Variants in KCNMA1 observed in about 807,000 individuals in gnomAD.
KCNMA1 encodes the protein potassium calcium-activated channel subfamily M alpha 1.
Under a neutral mutation model 140.0 loss-of-function variants are expected in KCNMA1, and 29 were observed. The ratio of observed to expected loss-of-function variants is 0.21; its 90% CI spans 0.15 to 0.28. The LOEUF (loss-of-function observed/expected upper bound fraction) is 0.28, where lower values mean the gene tolerates loss of function less well. Ranked by LOEUF, KCNMA1 falls within the 10% of genes least tolerant of loss-of-function variation. KCNMA1 has a pLI of 1.00. For synonymous variants in KCNMA1, 612 were observed against 611.9 expected (o/e 1.00, Z 0.00); for missense variants, 880 against 1,602.2 (o/e 0.55, Z 7.70).
intron 2 of KCNMA1, among the ~76,000 whole-genome samples, chr10:77,357,881 T>G (rs2093632121): frequency 2.0e-5 from 3 of 152,100 alleles, no homozygotes; most frequent in Non-Finnish European, 2.9e-5. Context: ...AAATGTCAGC[T>G]TAAGAAAGAC....
chr10:76,900,765 G>A (rs2044840253), intron 25 of KCNMA1, among the ~76,000 whole-genome samples: 1 of 151,880 alleles, frequency 6.6e-6, no homozygotes, highest in African/African-American at 2.4e-5. Context: ...GGCCTCCTAG[G>A]AAAAATGACA....
chr10:77,287,818 G>T (rs892709341), intron 2 of KCNMA1, among the ~76,000 whole-genome samples: 3 of 152,192 alleles, frequency 2.0e-5, no homozygotes, highest in African/African-American at 7.2e-5. Flanking sequence ...CACTCAGCAG[G>T]CAGGCAGCAA....
At chr10:76,941,145 G>T (rs2062173755) in intron 23 of KCNMA1, among the ~76,000 whole-genome samples, 1 of 66,366 alleles carries the variant, frequency 1.5e-5, no homozygotes, top group African/African-American at 5.0e-5. Flanking sequence ...GAAGGGAAGG[G>T]AAGGGAAGGG....
intron 1 of KCNMA1, among the ~76,000 whole-genome samples, chr10:77,606,582 C>T (rs895459588): frequency 3.3e-5 from 5 of 152,118 alleles, no homozygotes; most frequent in Non-Finnish European, 7.4e-5. Flanking sequence ...TGCACTCTAG[C>T]CTGGGCAACA....
chr10:77,328,051 G>T (rs1194954665), intron 2 of KCNMA1, among the ~76,000 whole-genome samples: 1 of 152,178 alleles, frequency 6.6e-6, no homozygotes, highest in South Asian at 2.1e-4. Context: ...GTGGGACTCT[G>T]CTCCACTGTT....
chr10:77,523,901 A>G (rs900202343), intron 1 of KCNMA1, among the ~76,000 whole-genome samples: 24 of 152,330 alleles, frequency 1.6e-4, no homozygotes, highest in Admixed American at 1.2e-3. Flanking sequence ...GGGTGACTAT[A>G]GTCAATAATA....
At chr10:77,402,485 C>A (rs548816170) in intron 2 of KCNMA1, among the ~76,000 whole-genome samples, 3 of 152,352 alleles carry the variant, frequency 2.0e-5, no homozygotes, top group South Asian at 4.1e-4. Context: ...GGTTTCATAA[C>A]CAGACCCTTC....
At position 76,886,926 on chromosome 10, in the gene KCNMA1, C is replaced by T. The variant is rs199906370; in HGVS notation, c.*340G>A. On this transcript the variant is annotated 3_prime_UTR_variant, in exon 28 of 28. Coordinates refer to ENST00000286628, the MANE Select transcript of KCNMA1 (RefSeq NM_001161352.2). ...CAACTTTTCTTTTACATTAAATAAACTTGCTCTGCCTAACTGACGTTGATC... is the reference window on the plus strand; with the variant it reads ...CAACTTTTCTTTTACATTAAATAAATTTGCTCTGCCTAACTGACGTTGATC... 1.7e-4 allele frequency: 200 copies of T among 1,155,064 alleles called. 1 individual carries two copies. The African/African-American group carries it at 3.1e-3, about 18-fold the overall frequency. The allele number at this position is 1,155,064 out of a possible 1,614,324, so 71.6% of individuals were successfully genotyped here. A position where few individuals can be genotyped will look rare whatever the true frequency, so the allele number is the denominator to read the frequency against.
chr10:77,598,390 G>A (rs1567782789), intron 1 of KCNMA1, among the ~76,000 whole-genome samples: 1 of 152,118 alleles, frequency 6.6e-6, no homozygotes, highest in Non-Finnish European at 1.5e-5. Context: ...GCAAATTTTT[G>A]CTGAATGAAT....
At chr10:77,329,247 T>C (rs2085406989) in intron 2 of KCNMA1, among the ~76,000 whole-genome samples, 1 of 152,182 alleles carries the variant, frequency 6.6e-6, no homozygotes, top group Non-Finnish European at 1.5e-5. Context: ...CACAAATCAC[T>C]TGTGTGGTCT....
intron 14 of KCNMA1, among the ~76,000 whole-genome samples, chr10:77,068,486 T>C (rs1230054011): frequency 2.0e-5 from 3 of 152,302 alleles, no homozygotes; most frequent in African/African-American, 4.8e-5. Flanking sequence ...ATGCTTCTGA[T>C]TTCTCTAGTG....
At chr10:77,431,822 C>T (rs932171745) in intron 1 of KCNMA1, among the ~76,000 whole-genome samples, 42 of 151,902 alleles carry the variant, frequency 2.8e-4, no homozygotes, top group African/African-American at 1.0e-3. Flanking sequence ...ATGGTGAAAC[C>T]CCATCTCTAA....
chr10:77,048,108 C>CAATAAATA (rs60963807), intron 14 of KCNMA1, among the ~76,000 whole-genome samples: 20,644 of 143,570 alleles, frequency 0.14, 2,095 homozygotes, highest in East Asian at 0.44. Context: ...CATGATGAGA[C>CAATAAATA]AATAAATAAA....
chr10:77,387,550 CTTTTCTTTTT>C (rs1424724774), intron 2 of KCNMA1, among the ~76,000 whole-genome samples: 1 of 138,686 alleles, frequency 7.2e-6, no homozygotes. Context: ...CTTTTCTTTT[CTTTTCTTTTT>C]CTTTTCTTTT....
intron 5 of KCNMA1, among the ~76,000 whole-genome samples, chr10:77,164,322 G>C (rs2098607789): frequency 6.6e-6 from 1 of 152,166 alleles, no homozygotes. Context: ...AGGGAGGCCA[G>C]GTTGAACACA....
intron 3 of KCNMA1, among the ~76,000 whole-genome samples, chr10:77,198,099 A>ATCAACCAT (rs1408050806): frequency 2.0e-5 from 3 of 152,218 alleles, no homozygotes; most frequent in African/African-American, 7.2e-5. Context: ...AGTTTTTAAC[A>ATCAACCAT]TCAACCATAA....
intron 5 of KCNMA1, among the ~76,000 whole-genome samples, chr10:77,165,957 A>T (rs1026907930): frequency 6.6e-6 from 1 of 152,176 alleles, no homozygotes; most frequent in Admixed American, 6.5e-5. Flanking sequence ...TTTTCAGAAC[A>T]GTCTGGGGAA....
chr10:77,226,307 C>T (rs1395584824), intron 3 of KCNMA1, among the ~76,000 whole-genome samples: 3 of 152,014 alleles, frequency 2.0e-5, no homozygotes, highest in Admixed American at 2.0e-4. Flanking sequence ...GAGATGTATA[C>T]ATCCCTTTAG....
intron 15 of KCNMA1, 115 bp downstream of exon 15, chr10:77,039,413 C>A: frequency 1.4e-6 from 1 of 732,898 alleles, no homozygotes; most frequent in Non-Finnish European, 2.5e-6. Context: ...ACACGGGATA[C>A]CCTCGGCAAT....
Sources: allele counts gnomAD v4.1 joint callset (sites outside exome capture counted in the v4.1 genomes callset), GRCh38; gene constraint gnomAD v4.1.1; transcripts MANE v1.5; gene names NCBI Gene and HGNC (gene_info 2026-07-23, HGNC 2026-07-21).